Variants in TTC28 observed in about 807,000 individuals in gnomAD.
TTC28 encodes tetratricopeptide repeat domain 28.
Under a neutral mutation model 198.0 loss-of-function variants are expected in TTC28, and 61 were observed. That is an observed-to-expected ratio of 0.31 (90% confidence interval 0.25 to 0.38). The LOEUF is 0.38. Among genes scored for constraint, TTC28 ranks in the 10% least tolerant of loss-of-function variants. TTC28 has a pLI of 1.00. For synonymous variants in TTC28, 1,171 were observed against 1,297.8 expected (o/e 0.90, Z 2.10); for missense variants, 2,678 against 3,164.0 (o/e 0.85, Z 3.69).
At chr22:28,537,315 A>AC (rs2049308978) in intron 2 of TTC28, among the ~76,000 whole-genome samples, 1 of 145,440 alleles carries the variant, frequency 6.9e-6, no homozygotes, top group Non-Finnish European at 1.5e-5. Context: ...AAATAAAATA[A>AC]AATAAAATAA....
chr22:28,589,487 T>C (rs745885185), intron 2 of TTC28, among the ~76,000 whole-genome samples: 15 of 152,218 alleles, frequency 9.9e-5, no homozygotes, highest in African/African-American at 1.4e-4. Context: ...AAAGGACCCA[T>C]CTGCTTTTTG....
At chr22:28,376,092 C>T (rs2046405611) in intron 2 of TTC28, among the ~76,000 whole-genome samples, 1 of 152,212 alleles carries the variant, frequency 6.6e-6, no homozygotes, top group Admixed American at 6.5e-5. Context: ...CCCATAATCT[C>T]ATGAGCCAAT....
At chr22:28,621,858 T>C (rs2051005814) in intron 2 of TTC28, among the ~76,000 whole-genome samples, 1 of 151,924 alleles carries the variant, frequency 6.6e-6, no homozygotes. Flanking sequence ...ATATCTTAAA[T>C]GTATGAGACT....
intron 2 of TTC28, among the ~76,000 whole-genome samples, chr22:28,335,900 C>T (rs2045707902): frequency 6.6e-6 from 1 of 152,188 alleles, no homozygotes; most frequent in Non-Finnish European, 1.5e-5. Flanking sequence ...TGAGAGAGGG[C>T]ATCCCTGTCT....
At chr22:28,230,063 G>C (rs1928684619) in intron 5 of TTC28, among the ~76,000 whole-genome samples, 1 of 152,154 alleles carries the variant, frequency 6.6e-6, no homozygotes, top group South Asian at 2.1e-4. Flanking sequence ...ATACCAGTTG[G>C]AAATGAAAGA....
At chr22:28,312,480 A>C (rs1479106396) in intron 2 of TTC28, among the ~76,000 whole-genome samples, 1 of 152,194 alleles carries the variant, frequency 6.6e-6, no homozygotes, top group African/African-American at 2.4e-5. Flanking sequence ...TCCTCAGCAA[A>C]TATAAAAGAA....
intron 2 of TTC28, among the ~76,000 whole-genome samples, chr22:28,480,876 A>C (rs1007876633): frequency 6.6e-6 from 1 of 152,206 alleles, no homozygotes; most frequent in Non-Finnish European, 1.5e-5. Flanking sequence ...TTCAAAGAAT[A>C]ATCACCTCTG....
intron 9 of TTC28, 121 bp from the exon 10 acceptor site, chr22:28,099,165 A>G: frequency 7.3e-7 from 1 of 1,362,430 alleles, no homozygotes. Context: ...TACAGATTTG[A>G]AAGGAAGAGT....
intron 2 of TTC28, among the ~76,000 whole-genome samples, chr22:28,319,336 A>G (rs1173777561): frequency 6.6e-6 from 1 of 152,198 alleles, no homozygotes; most frequent in Non-Finnish European, 1.5e-5. Context: ...TAAGCCAGCA[A>G]TATTTCTTGA....
At position 28,073,981 on chromosome 22, in the gene TTC28, G is replaced by A. The variant is rs1601589805; in HGVS notation, c.3932+20099C>T. Among the ~76,000 whole-genome samples, 3 of 152,334 alleles carry A rather than the reference G, an allele frequency of 2.0e-5. No individual in the cohort carries two copies. The South Asian group carries it at 6.2e-4, about 32-fold the overall frequency. On this transcript the variant is annotated intron_variant, in intron 12 of 22. Transcript: ENST00000397906. ...TGGAGGAAAACCTGGACAGTACTGT[G>A]TGAGTTGTGGGTCTGACACAGTTAA...
At chr22:28,297,441 G>T in intron 4 of TTC28, 139 bp downstream of exon 4, 2 of 1,049,614 alleles carry the variant, frequency 1.9e-6, no homozygotes, top group Non-Finnish European at 2.6e-6. Context: ...CTGGCCTTAA[G>T]CAATCCTCCC....
rs569207642 is a variant in TTC28 at position 28,030,120 on chromosome 22, G to C, written c.4073+106C>G. On this transcript the variant is annotated intron_variant, in intron 13 of 22. Coordinates refer to ENST00000397906, the MANE Select transcript of TTC28 (RefSeq NM_001145418.2). The stretch of plus-strand genomic sequence containing the variant: ...GCTTGCTGCTGCAAATGCATGACAC[G>C]AGCCAGAAGCCTAACCAGCTGGAAG... The C allele has an allele frequency of 1.1e-5, 16 of 1,449,846 alleles. No homozygotes were observed. In the Middle Eastern group the frequency reaches 1.0e-3, roughly 91 times the overall value. The allele number at this position is 1,449,846 out of a possible 1,614,324, so 89.8% of individuals were successfully genotyped here.
At chr22:28,109,181 G>A (rs917998251) in intron 6 of TTC28, among the ~76,000 whole-genome samples, 8 of 152,182 alleles carry the variant, frequency 5.3e-5, no homozygotes, top group African/African-American at 1.9e-4. Context: ...TAAACTACTG[G>A]AAAATCAGAA....
intron 6 of TTC28, among the ~76,000 whole-genome samples, chr22:28,138,885 G>A (rs921533013): frequency 3.3e-5 from 5 of 152,110 alleles, no homozygotes; most frequent in South Asian, 2.1e-4. Flanking sequence ...ACAAAGAATC[G>A]AGGACAGTTC....
chr22:28,435,080 T>G (rs1405544312), intron 2 of TTC28, among the ~76,000 whole-genome samples: 2 of 152,250 alleles, frequency 1.3e-5, no homozygotes, highest in Admixed American at 1.3e-4. Flanking sequence ...CAAAAAAGCT[T>G]ATATGCAGCT....
intron 12 of TTC28, among the ~76,000 whole-genome samples, chr22:28,035,361 G>T (rs1156751277): frequency 1.3e-5 from 2 of 152,198 alleles, no homozygotes; most frequent in Non-Finnish European, 2.9e-5. Flanking sequence ...CAGATCAAAG[G>T]CAGCAAAACG....
chr22:28,647,315 A>G (rs2051485165), intron 1 of TTC28, among the ~76,000 whole-genome samples: 1 of 152,190 alleles, frequency 6.6e-6, no homozygotes, highest in African/African-American at 2.4e-5. Context: ...TCTTCTGGAC[A>G]TTGGCCTAGG....
intron 2 of TTC28, among the ~76,000 whole-genome samples, chr22:28,393,455 G>C (rs2046766895): frequency 6.6e-6 from 1 of 152,146 alleles, no homozygotes; most frequent in Non-Finnish European, 1.5e-5. Context: ...ACTTTGGGAG[G>C]CTGAGGCAGG....
intron 2 of TTC28, among the ~76,000 whole-genome samples, chr22:28,432,853 G>A (rs1016526834): frequency 6.6e-6 from 1 of 152,168 alleles, no homozygotes; most frequent in Non-Finnish European, 1.5e-5. Context: ...TAAAGTATGT[G>A]AAGTTTGTGG....
Sources: gnomAD v4.1 joint callset for allele counts (sites outside exome capture counted in the v4.1 genomes callset) on GRCh38, gnomAD v4.1.1 for gene constraint, MANE v1.5 for transcripts, NCBI Gene and HGNC (gene_info 2026-07-23, HGNC 2026-07-21) for gene names.